Variants in POU6F2 observed in about 807,000 individuals in gnomAD.
POU6F2 encodes the protein POU class 6 homeobox 2.
POU6F2 carries 31 observed loss-of-function variants against 71.3 expected under a neutral mutation model. The observed-to-expected ratio is 0.43, with a 90% CI of 0.33 to 0.59. The LOEUF (loss-of-function observed/expected upper bound fraction) is 0.59, where lower values mean the gene tolerates loss of function less well. Among genes scored for constraint, POU6F2 ranks in the 20% least tolerant of loss-of-function variants. The pLI, the probability that POU6F2 is intolerant of heterozygous loss-of-function variation, is 0.04. For synonymous variants in POU6F2, 347 were observed against 355.7 expected, an observed-to-expected ratio of 0.98 and a Z score of 0.27; for missense variants, 783 against 856.8, an observed-to-expected ratio of 0.91 and a Z score of 1.07.
At chr7:39,175,886 A>G (rs1034789203) in intron 2 of POU6F2, among the ~76,000 whole-genome samples, 6 of 151,600 alleles carry the variant, frequency 4.0e-5, no homozygotes, top group Non-Finnish European at 7.4e-5. Context: ...TTCAGCACCC[A>G]CTCCACTGAG....
chr7:39,175,471 G>T (rs994983960), intron 2 of POU6F2, among the ~76,000 whole-genome samples: 1 of 152,138 alleles, frequency 6.6e-6, no homozygotes, highest in Admixed American at 6.5e-5. Flanking sequence ...ATCAAGACAG[G>T]TGTCTAGGGC....
chr7:39,283,317 G>T (rs1332845683), intron 4 of POU6F2, among the ~76,000 whole-genome samples: 6 of 151,468 alleles, frequency 4.0e-5, no homozygotes, highest in African/African-American at 1.5e-4. Context: ...GTATATTTCA[G>T]TCGTACTAAG....
intron 6 of POU6F2, among the ~76,000 whole-genome samples, chr7:39,415,353 C>A (rs1787649461): frequency 6.6e-6 from 1 of 152,166 alleles, no homozygotes; most frequent in Non-Finnish European, 1.5e-5. Context: ...ATGAGTATTT[C>A]GTTTTCCTGG....
At chr7:39,079,134 T>C (rs1411320665) in intron 1 of POU6F2, among the ~76,000 whole-genome samples, 1 of 151,596 alleles carries the variant, frequency 6.6e-6, no homozygotes, top group Non-Finnish European at 1.5e-5. Context: ...TCAAAACATA[T>C]TCATACACAT....
chr7:39,178,533 G>A (rs1487724425), intron 2 of POU6F2, among the ~76,000 whole-genome samples: 1 of 152,060 alleles, frequency 6.6e-6, no homozygotes, highest in Non-Finnish European at 1.5e-5. Flanking sequence ...TCTCTCAATT[G>A]GGAAGGATAG....
intron 2 of POU6F2, among the ~76,000 whole-genome samples, chr7:39,092,172 CA>C (rs1352808870): frequency 1.5e-4 from 23 of 152,310 alleles, no homozygotes; most frequent in African/African-American, 5.1e-4. Flanking sequence ...GGCACCCTGT[CA>C]GGGGGCAATC....
chr7:39,163,814 A>G (rs1161198079), intron 2 of POU6F2, among the ~76,000 whole-genome samples: 2 of 152,222 alleles, frequency 1.3e-5, no homozygotes, highest in African/African-American at 4.8e-5. Context: ...CAGATACACA[A>G]CGGAATACTA....
intron 2 of POU6F2, among the ~76,000 whole-genome samples, chr7:39,182,529 G>T (rs1364094059): frequency 6.6e-6 from 1 of 152,054 alleles, no homozygotes; most frequent in African/African-American, 2.4e-5. Flanking sequence ...AACAAATCTA[G>T]TAGGCATCTT....
At chr7:39,080,428 C>G (rs1013248280) in intron 1 of POU6F2, among the ~76,000 whole-genome samples, 1 of 152,114 alleles carries the variant, frequency 6.6e-6, no homozygotes, top group Non-Finnish European at 1.5e-5. Context: ...CAAAATATGA[C>G]GGTGTGTTTG....
intron 4 of POU6F2, among the ~76,000 whole-genome samples, chr7:39,295,366 A>G (rs1784826427): frequency 6.6e-6 from 1 of 152,224 alleles, no homozygotes. Flanking sequence ...CTGTAATCCC[A>G]GTACTTTGAT....
intron 2 of POU6F2, among the ~76,000 whole-genome samples, chr7:39,157,653 T>C (rs1204729547): frequency 1.3e-5 from 2 of 152,258 alleles, no homozygotes; most frequent in African/African-American, 2.4e-5. Flanking sequence ...GTTTTGCCCT[T>C]TTGTTGCATG....
chr7:39,395,325 A>G (rs1428072843), intron 5 of POU6F2, among the ~76,000 whole-genome samples: 2 of 152,100 alleles, frequency 1.3e-5, no homozygotes, highest in Non-Finnish European at 2.9e-5. Flanking sequence ...CTATTTCTCA[A>G]CACCACACCT....
intron 2 of POU6F2, among the ~76,000 whole-genome samples, chr7:39,140,306 G>A (rs559947099): frequency 1.3e-5 from 2 of 152,314 alleles, no homozygotes; most frequent in Non-Finnish European, 1.5e-5. Context: ...GCTAAGGGGT[G>A]GAGGCTAAAG....
chr7:39,156,833 G>T (rs766363328), intron 2 of POU6F2, among the ~76,000 whole-genome samples: 42 of 152,278 alleles, frequency 2.8e-4, no homozygotes, highest in Non-Finnish European at 4.6e-4. Context: ...AGGAAGCTGG[G>T]GAGGAATGTC....
At chr7:38,994,899 A>G (rs1212054646) in intron 1 of POU6F2, among the ~76,000 whole-genome samples, 1 of 151,992 alleles carries the variant, frequency 6.6e-6, no homozygotes, top group Non-Finnish European at 1.5e-5. Context: ...ACTTTCTACA[A>G]CCTGCTGCCA....
intron 8 of POU6F2, among the ~76,000 whole-genome samples, chr7:39,457,613 C>A (rs1286312843): frequency 6.6e-6 from 1 of 152,166 alleles, no homozygotes; most frequent in Admixed American, 6.5e-5. Context: ...CTTGGTCAAG[C>A]CAGGGCCACA....
intron 7 of POU6F2, among the ~76,000 whole-genome samples, chr7:39,449,491 C>G (rs1160426870): frequency 6.6e-6 from 1 of 152,152 alleles, no homozygotes; most frequent in African/African-American, 2.4e-5. Context: ...TCATACATTG[C>G]TGGTGGGAAC....
intron 4 of POU6F2, among the ~76,000 whole-genome samples, chr7:39,271,643 G>C (rs1413362830): frequency 6.6e-6 from 1 of 152,166 alleles, no homozygotes; most frequent in Non-Finnish European, 1.5e-5. Flanking sequence ...AGCAGCGTGA[G>C]CTTTGCAAAA....
At chr7:39,390,662 T>C (rs1787049762) in intron 5 of POU6F2, among the ~76,000 whole-genome samples, 1 of 152,130 alleles carries the variant, frequency 6.6e-6, no homozygotes, top group African/African-American at 2.4e-5. Flanking sequence ...TTTCTTCCAT[T>C]AGTGCATTCG....
Sources: gnomAD v4.1 joint callset for allele counts (sites outside exome capture counted in the v4.1 genomes callset) on GRCh38, gnomAD v4.1.1 for gene constraint, MANE v1.5 for transcripts, NCBI Gene and HGNC (gene_info 2026-07-23, HGNC 2026-07-21) for gene names.